LHFPL6: variants seen among roughly 807,000 people sequenced by gnomAD.
LHFPL6 encodes the protein LHFPL tetraspan subfamily member 6, also known as LHFPL tetraspan subfamily member 6 protein.
LHFPL6 carries 9 observed loss-of-function variants against 20.6 expected under a neutral mutation model. The ratio of observed to expected loss-of-function variants is 0.44; its 90% confidence interval spans 0.26 to 0.76. The LOEUF (loss-of-function observed/expected upper bound fraction) is 0.76. LHFPL6 is among the 30% of genes least tolerant of loss of function. The pLI is 0.20. For missense variants in LHFPL6, 218 were observed against 253.5 expected (o/e 0.86, Z 0.95); for synonymous variants, 105 against 98.7 (o/e 1.06, Z -0.38).
At chr13:39,399,317 A>G (rs569015141) in intron 2 of LHFPL6, among the ~76,000 whole-genome samples, 1 of 152,360 alleles carries the variant, frequency 6.6e-6, no homozygotes, top group African/African-American at 2.4e-5. Context: ...ATTTCTGTTT[A>G]AAATGGTCTG....
At chr13:39,487,904 G>T (rs1234041311) in intron 2 of LHFPL6, among the ~76,000 whole-genome samples, 13 of 152,120 alleles carry the variant, frequency 8.5e-5, no homozygotes, top group Non-Finnish European at 1.9e-4. Flanking sequence ...AATTAGCCGG[G>T]CATGGTGGTT....
intron 2 of LHFPL6, among the ~76,000 whole-genome samples, chr13:39,552,126 C>T (rs1871159138): frequency 6.6e-6 from 1 of 152,146 alleles, no homozygotes; most frequent in Admixed American, 6.5e-5. Context: ...AGATAGCATT[C>T]CCTTCATGGA....
At chr13:39,393,553 G>A (rs769465984) in intron 2 of LHFPL6, among the ~76,000 whole-genome samples, 3 of 152,150 alleles carry the variant, frequency 2.0e-5, no homozygotes, top group African/African-American at 4.8e-5. Flanking sequence ...ATGAAAACAA[G>A]AGCAAGTTAG....
At chr13:39,569,340 T>C (rs1157267450) in intron 2 of LHFPL6, among the ~76,000 whole-genome samples, 1 of 152,174 alleles carries the variant, frequency 6.6e-6, no homozygotes, top group African/African-American at 2.4e-5. Context: ...CTATTAGCAA[T>C]TAATGATGAC....
intron 2 of LHFPL6, among the ~76,000 whole-genome samples, chr13:39,446,257 T>G (rs775729707): frequency 5.3e-5 from 8 of 152,184 alleles, no homozygotes; most frequent in Admixed American, 1.3e-4. Context: ...AGAGTAGGCC[T>G]ACTTATCTTT....
intron 2 of LHFPL6, among the ~76,000 whole-genome samples, chr13:39,402,022 G>A (rs1414741324): frequency 6.6e-6 from 1 of 152,124 alleles, no homozygotes; most frequent in Non-Finnish European, 1.5e-5. Flanking sequence ...CAACAGAAAT[G>A]TGGCTAGTCC....
intron 2 of LHFPL6, among the ~76,000 whole-genome samples, chr13:39,562,631 T>TATATACACAC (rs1275626463): frequency 0.011 from 338 of 31,132 alleles, 1 homozygote; most frequent in Non-Finnish European, 0.019. Context: ...TATACACACA[T>TATATACACAC]ATATATACAC....
At chr13:39,557,047 A>G (rs1293864443) in intron 2 of LHFPL6, among the ~76,000 whole-genome samples, 3 of 152,216 alleles carry the variant, frequency 2.0e-5, no homozygotes, top group Admixed American at 2.0e-4. Context: ...AAGGATTCCA[A>G]GCACACTAAG....
At chr13:39,463,555 C>T (rs994093189) in intron 2 of LHFPL6, among the ~76,000 whole-genome samples, 12 of 152,176 alleles carry the variant, frequency 7.9e-5, no homozygotes, top group African/African-American at 2.2e-4. Flanking sequence ...GAGGTAGGGG[C>T]GAAGGTCATA....
intron 2 of LHFPL6, among the ~76,000 whole-genome samples, chr13:39,539,835 G>C (rs1870741117): frequency 6.6e-6 from 1 of 152,130 alleles, no homozygotes; most frequent in Admixed American, 6.5e-5. Flanking sequence ...TTGCCCCTTT[G>C]GTTCAGACTG....
intron 3 of LHFPL6, among the ~76,000 whole-genome samples, chr13:39,363,533 A>T (rs1593285961): frequency 1.3e-5 from 2 of 152,228 alleles, no homozygotes; most frequent in African/African-American, 4.8e-5. Context: ...AAAAACATGC[A>T]AACTAGATTT....
intron 2 of LHFPL6, among the ~76,000 whole-genome samples, chr13:39,553,205 T>C (rs1871194161): frequency 6.6e-6 from 1 of 152,226 alleles, no homozygotes; most frequent in African/African-American, 2.4e-5. Context: ...GAATACAATT[T>C]AGAAATTATT....
At chr13:39,350,578 A>G (rs1327346319) in intron 3 of LHFPL6, among the ~76,000 whole-genome samples, 1 of 152,250 alleles carries the variant, frequency 6.6e-6, no homozygotes, top group Non-Finnish European at 1.5e-5. Flanking sequence ...TAATGCAAAC[A>G]GAAAGCATTT....
intron 3 of LHFPL6, among the ~76,000 whole-genome samples, chr13:39,347,248 C>T (rs534748548): frequency 6.6e-6 from 1 of 152,294 alleles, no homozygotes; most frequent in South Asian, 2.1e-4. Flanking sequence ...GCACATCAGC[C>T]TTGTTGCTGA....
At chr13:39,445,902 T>C (rs916902990) in intron 2 of LHFPL6, among the ~76,000 whole-genome samples, 2 of 152,196 alleles carry the variant, frequency 1.3e-5, no homozygotes, top group Non-Finnish European at 2.9e-5. Flanking sequence ...CCTGTGGTAC[T>C]TTAAGTATAA....
chr13:39,527,358 T>C (rs1287794176), intron 2 of LHFPL6, among the ~76,000 whole-genome samples: 1 of 152,092 alleles, frequency 6.6e-6, no homozygotes, highest in African/African-American at 2.4e-5. Flanking sequence ...CAAGAAAATA[T>C]CATGTGATAA....
rs76430368 is a variant in LHFPL6 at position 39,446,449 on chromosome 13, G to A, written c.386-67923C>T. ...CAGCTATTGATGAACTATGGTGGGTGCAGAAGTTAAACAGATACCATCTGC... is the reference window on the plus strand; with the variant it reads ...CAGCTATTGATGAACTATGGTGGGTACAGAAGTTAAACAGATACCATCTGC... On this transcript the variant is annotated intron_variant, in intron 2 of 3. Coordinates refer to ENST00000379589, the MANE Select transcript of LHFPL6 (RefSeq NM_005780.3). 1.5e-3 allele frequency among the ~76,000 whole-genome samples: 232 copies of A among 152,330 alleles called. 1 individual carries two copies. Among genetic ancestry groups the A allele is most frequent in the African/African-American group, 5.3e-3 (222 of 41,582 alleles).
chr13:39,476,952 G>A (rs567055667), intron 2 of LHFPL6, among the ~76,000 whole-genome samples: 2 of 152,278 alleles, frequency 1.3e-5, no homozygotes, highest in African/African-American at 2.4e-5. Flanking sequence ...TACATAAAGC[G>A]AATGTTTGAT....
In LHFPL6 at chr13:39,407,605, G is replaced by A. The variant is rs191018767; in HGVS notation, c.386-29079C>T. 1.0e-3 allele frequency among the ~76,000 whole-genome samples: 159 copies of A among 152,284 alleles called. 1 individual carries two copies. Among genetic ancestry groups the A allele is most frequent in the Non-Finnish European group, 1.9e-4 (13 of 68,008 alleles). On this transcript the variant is annotated intron_variant, in intron 2 of 3. Transcript: ENST00000379589. ...GAAATGCTTTAGAAGATATCTGCCT[G>A]TAATGGAAAAAATATCTGAGCCATA... is the stretch of plus-strand genomic sequence containing the variant.
Sources: allele counts gnomAD v4.1 joint callset (sites outside exome capture counted in the v4.1 genomes callset), GRCh38; gene constraint gnomAD v4.1.1; transcripts MANE v1.5; gene names NCBI Gene and HGNC (gene_info 2026-07-23, HGNC 2026-07-21).